Variants in PDGFD observed in about 807,000 individuals in gnomAD.
PDGFD encodes the protein platelet derived growth factor D, also known as platelet-derived growth factor D.
In PDGFD, 30 loss-of-function variants were observed where a neutral mutation model predicts 44.7. The ratio of observed to expected loss-of-function variants is 0.67; its 90% CI spans 0.50 to 0.91. The LOEUF is 0.91. Among genes scored for constraint, PDGFD ranks in the 40% least tolerant of loss-of-function variants. PDGFD has a pLI of 0.00. For missense variants in PDGFD, 445 were observed against 457.8 expected (o/e 0.97, Z 0.25); for synonymous variants, 173 against 168.4 (o/e 1.03, Z -0.21).
chr11:103,951,281 G>C (rs1591091054), intron 3 of PDGFD, among the ~76,000 whole-genome samples: 3 of 152,264 alleles, frequency 2.0e-5, no homozygotes, highest in South Asian at 4.2e-4. Flanking sequence ...TTTTAGCCCT[G>C]AAAGGAGAAT....
intron 3 of PDGFD, among the ~76,000 whole-genome samples, chr11:103,982,627 T>C (rs1275872127): frequency 1.3e-5 from 2 of 151,758 alleles, no homozygotes; most frequent in African/African-American, 2.4e-5. Context: ...AGTCAGATTA[T>C]CCCTGTTTGC....
At chr11:103,969,474 GTTTTT>G in intron 3 of PDGFD, among the ~76,000 whole-genome samples, 1 of 89,800 alleles carries the variant, frequency 1.1e-5, no homozygotes, top group East Asian at 4.0e-4. Flanking sequence ...ACCAAGCCTG[GTTTTT>G]TTTTTTTTTT....
chr11:103,922,310 A>G (rs1858237372), intron 6 of PDGFD, among the ~76,000 whole-genome samples: 1 of 152,196 alleles, frequency 6.6e-6, no homozygotes, highest in African/African-American at 2.4e-5. Flanking sequence ...TTTAACAAAA[A>G]TCACTACCCA....
At chr11:104,085,898 C>T (rs1032494626) in intron 1 of PDGFD, among the ~76,000 whole-genome samples, 7 of 151,966 alleles carry the variant, frequency 4.6e-5, no homozygotes, top group African/African-American at 1.2e-4. Context: ...ATCTATTGGA[C>T]CATGATAAAG....
At chr11:104,023,382 AG>A (rs1203970782) in intron 1 of PDGFD, among the ~76,000 whole-genome samples, 1 of 152,130 alleles carries the variant, frequency 6.6e-6, no homozygotes, top group African/African-American at 2.4e-5. Context: ...AATTAAGGTG[AG>A]GTATCTGCCA....
At chr11:103,987,827 G>A (rs556352328) in intron 3 of PDGFD, among the ~76,000 whole-genome samples, 116 of 149,910 alleles carry the variant, frequency 7.7e-4, no homozygotes, top group African/African-American at 2.6e-3. Flanking sequence ...CCTCTTCCCG[G>A]GATGCTGTTG....
intron 1 of PDGFD, chr11:104,037,033 ATC>A (rs780033116): frequency 1.2e-6 from 2 of 1,614,210 alleles, no homozygotes; most frequent in Non-Finnish European, 8.5e-7. Context: ...AGATGGCGAT[ATC>A]GTGGTTTTAC....
At chr11:104,142,866 C>T (rs1591184650) in intron 1 of PDGFD, among the ~76,000 whole-genome samples, 3 of 152,102 alleles carry the variant, frequency 2.0e-5, no homozygotes, top group African/African-American at 7.2e-5. Flanking sequence ...TGCATGTCCG[C>T]GAAGGTTTCA....
At position 103,949,849 on chromosome 11, in the gene PDGFD, T is replaced by C. The variant is rs1858722469; in HGVS notation, c.511-2125A>G. On this transcript the variant is annotated intron_variant, in intron 3 of 6. Coordinates refer to ENST00000393158, the MANE Select transcript of PDGFD (RefSeq NM_025208.5). ...AAAAATTTCACATAGGAAGCTGATT[T>C]GTTAGTAGAGTCTTGGAAGATAAAT... 2.6e-5 allele frequency among the ~76,000 whole-genome samples: 4 copies of C among 152,246 alleles called. No homozygotes were observed. The South Asian group carries it at 6.2e-4, about 24-fold the overall frequency.
Position 104,151,350 on chromosome 11 carries a change from A to G in PDGFD, c.124+12454T>C, listed in dbSNP as rs543979539. 9.8e-5 allele frequency among the ~76,000 whole-genome samples: 15 copies of G among 152,322 alleles called. No homozygotes were observed. The East Asian group carries it at 2.9e-3, about 29-fold the overall frequency. ...TGCAAGCTGGATGCGTAAATAGTAC[A>G]AAGTAGTAAAACAGTTATCTGAATT... On this transcript the variant is annotated intron_variant, in intron 1 of 6. Transcript: ENST00000393158.
intron 1 of PDGFD, among the ~76,000 whole-genome samples, chr11:104,055,886 A>C (rs927005092): frequency 4.6e-5 from 7 of 152,200 alleles, no homozygotes; most frequent in Non-Finnish European, 7.3e-5. Context: ...AAAACAAAAA[A>C]CAAGAACAGA....
At chr11:104,160,182 G>A (rs1353043280) in intron 1 of PDGFD, among the ~76,000 whole-genome samples, 1 of 152,048 alleles carries the variant, frequency 6.6e-6, no homozygotes, top group Non-Finnish European at 1.5e-5. Flanking sequence ...TAAAATCTAA[G>A]GCAGCACAAT....
chr11:104,092,916 G>T (rs1053285744), intron 1 of PDGFD, among the ~76,000 whole-genome samples: 1 of 152,034 alleles, frequency 6.6e-6, no homozygotes, highest in Admixed American at 6.6e-5. Flanking sequence ...CACTCCATAG[G>T]GGGGCTGAGA....
At chr11:103,946,125 A>G (rs1460726012) in intron 4 of PDGFD, 1 of 143,004 alleles carries the variant, frequency 7.0e-6, no homozygotes, top group Non-Finnish European at 1.5e-5. Context: ...AGTTAACTGC[A>G]TTAATTTAAA....
intron 3 of PDGFD, among the ~76,000 whole-genome samples, chr11:103,981,734 G>T (rs1173553459): frequency 6.6e-6 from 1 of 151,758 alleles, no homozygotes; most frequent in Non-Finnish European, 1.5e-5. Flanking sequence ...AACCTGGAAA[G>T]CTCTTGAGGC....
chr11:104,047,222 C>A lies in PDGFD; in HGVS notation c.125-46967G>T, dbSNP rs934985137. Among the ~76,000 whole-genome samples the A allele has an allele frequency of 5.4e-5, 8 of 147,532 alleles. 1 individual carries two copies. Among genetic ancestry groups the A allele is most frequent in the Admixed American group, 2.0e-4 (3 of 14,702 alleles). The stretch of plus-strand genomic sequence containing the variant: ...ACATACGTGTGCATGTATCTTTATA[C>A]TAGAATAATTTATAATTCTTTGGGT... On this transcript the variant is annotated intron_variant, in intron 1 of 6. Transcript: ENST00000393158.
intron 3 of PDGFD, among the ~76,000 whole-genome samples, chr11:103,991,079 C>T (rs1859443735): frequency 6.6e-6 from 1 of 151,568 alleles, no homozygotes; most frequent in Non-Finnish European, 1.5e-5. Flanking sequence ...ACGGAGCTTG[C>T]AGTGAGCCGA....
chr11:104,012,365 C>G (rs1217825071), intron 1 of PDGFD, among the ~76,000 whole-genome samples: 2 of 152,068 alleles, frequency 1.3e-5, no homozygotes, highest in Non-Finnish European at 2.9e-5. Context: ...GTAAAAAAGG[C>G]TTGGATTTGG....
At chr11:103,918,626 C>A (rs181198067) in intron 6 of PDGFD, among the ~76,000 whole-genome samples, 41 of 152,142 alleles carry the variant, frequency 2.7e-4, no homozygotes, top group Admixed American at 2.4e-3. Flanking sequence ...TATTAAGCAA[C>A]GTGAGCACGG....
Sources: gnomAD v4.1 joint callset for allele counts (sites outside exome capture counted in the v4.1 genomes callset) on GRCh38, gnomAD v4.1.1 for gene constraint, MANE v1.5 for transcripts, NCBI Gene and HGNC (gene_info 2026-07-23, HGNC 2026-07-21) for gene names.